ARHGAP32: variants seen among roughly 807,000 people sequenced by gnomAD.
The protein encoded by ARHGAP32 is Rho GTPase activating protein 32.
ARHGAP32 carries 51 observed loss-of-function variants against 186.5 expected under a neutral mutation model. That is an observed-to-expected ratio of 0.27 (90% CI 0.22 to 0.35). ARHGAP32 has a LOEUF of 0.35. Among genes scored for constraint, ARHGAP32 ranks in the 10% least tolerant of loss-of-function variants. The pLI, the probability that ARHGAP32 is intolerant of heterozygous loss-of-function variation, is 1.00. For synonymous variants in ARHGAP32, 950 were observed against 964.3 expected, an observed-to-expected ratio of 0.99 and a Z score of 0.27; for missense variants, 2,186 against 2,623.5, an observed-to-expected ratio of 0.83 and a Z score of 3.64.
chr11:129,220,932 C>T (rs1042914228), intron 1 of ARHGAP32, among the ~76,000 whole-genome samples: 1 of 152,078 alleles, frequency 6.6e-6, no homozygotes, highest in African/African-American at 2.4e-5. Flanking sequence ...TAAAACATAC[C>T]AAAACCTGAA....
intron 1 of ARHGAP32, among the ~76,000 whole-genome samples, chr11:129,268,150 T>A (rs1945429494): frequency 6.6e-6 from 1 of 152,110 alleles, no homozygotes; most frequent in Non-Finnish European, 1.5e-5. Flanking sequence ...GGGATGGGCC[T>A]GAAAAATAAT....
chr11:129,017,682 A>G (rs1282713878), intron 11 of ARHGAP32, among the ~76,000 whole-genome samples: 1 of 152,132 alleles, frequency 6.6e-6, no homozygotes, highest in Non-Finnish European at 1.5e-5. Context: ...TAAATCTGCA[A>G]ATAATACACA....
At chr11:129,214,986 A>G (rs1453363172) in intron 1 of ARHGAP32, among the ~76,000 whole-genome samples, 1 of 152,168 alleles carries the variant, frequency 6.6e-6, no homozygotes, top group Admixed American at 6.6e-5. Context: ...AATTAAGAAA[A>G]CTGCATGCAG....
At chr11:129,244,178 A>G (rs1172444144) in intron 1 of ARHGAP32, among the ~76,000 whole-genome samples, 1 of 152,212 alleles carries the variant, frequency 6.6e-6, no homozygotes, top group Non-Finnish European at 1.5e-5. Flanking sequence ...TGAGGATGGT[A>G]CTATTATTTC....
At chr11:129,269,425 G>A (rs868515233) in intron 1 of ARHGAP32, among the ~76,000 whole-genome samples, 17 of 152,208 alleles carry the variant, frequency 1.1e-4, no homozygotes, top group South Asian at 4.2e-4. Context: ...CAGCCATGAC[G>A]AGACTTAAAA....
intron 6 of ARHGAP32, among the ~76,000 whole-genome samples, chr11:129,067,398 T>C (rs1940728886): frequency 6.6e-6 from 1 of 152,102 alleles, no homozygotes; most frequent in African/African-American, 2.4e-5. Flanking sequence ...CTTTGCCCAA[T>C]CTCACAAGCT....
chr11:129,099,400 G>A (rs367771271), intron 5 of ARHGAP32, among the ~76,000 whole-genome samples: 6 of 152,142 alleles, frequency 3.9e-5, no homozygotes, highest in African/African-American at 1.4e-4. Context: ...GAAGCAATAG[G>A]CTACACCAGA....
rs776243486 is a variant in ARHGAP32 at position 128,973,069 on chromosome 11, T to A, written c.3437A>T (p.His1146Leu). 2.5e-6 allele frequency: 4 copies of A among 1,614,120 alleles called. No homozygotes were observed. Among genetic ancestry groups the A allele is most frequent in the Middle Eastern group, 1.6e-4 (1 of 6,062 alleles). ...PETTATGDPT[H>L]SNTTESGEQH... is the part of the protein sequence containing the mutation. ...CTCCCCAGATTCAGTTGTGTTGGAA[T>A]GGGTAGGATCCCCAGTAGCTGTTGT... Residue 1146 changes from histidine (H) to leucine (L), a missense_variant, in exon 22 of 23, where the codon CAT becomes CTT. Physicochemically the swap from His to Leu is moderately conservative, Grantham distance 99. Transcript: ENST00000682385.
At position 128,967,810 on chromosome 11, in the gene ARHGAP32, G is replaced by A. The variant is rs1427367875; in HGVS notation, c.*1097C>T. Reference sequence around the variant, plus strand: ...AACTTGCAGTCTAATAATAGATAATGCGTAGCTACTTAAATTCCCAGGGAC... The same window carrying A: ...AACTTGCAGTCTAATAATAGATAATACGTAGCTACTTAAATTCCCAGGGAC... On this transcript the variant is annotated 3_prime_UTR_variant, in exon 23 of 23. Transcript: ENST00000682385. 6.6e-6 allele frequency: 1 copy of A among 152,054 alleles called. No homozygotes were observed. The highest frequency in any genetic ancestry group is 1.5e-5 in the Non-Finnish European group (1 of 68,032). The allele number at this position is 152,054 out of a possible 1,614,324, so 9.4% of individuals were successfully genotyped here. A position where few individuals can be genotyped will look rare whatever the true frequency, so the allele number is the denominator to read the frequency against.
At chr11:129,074,846 A>G (rs1450149340) in intron 6 of ARHGAP32, among the ~76,000 whole-genome samples, 3 of 152,202 alleles carry the variant, frequency 2.0e-5, no homozygotes, top group Non-Finnish European at 4.4e-5. Context: ...CAAAATGGAA[A>G]CATATAAAAT....
chr11:128,998,258 T>G, intron 12 of ARHGAP32, 61 bp downstream of exon 12: 2 of 1,351,726 alleles, frequency 1.5e-6, no homozygotes, highest in Non-Finnish European at 2.0e-6. Context: ...TAATTGGTTA[T>G]AGCAAACCAA....
intron 21 of ARHGAP32, 60 bp downstream of exon 21, chr11:128,974,064 G>A: frequency 1.3e-6 from 2 of 1,563,364 alleles, no homozygotes; most frequent in Non-Finnish European, 1.7e-6. Context: ...GGCACAGATG[G>A]CACACAGGAT....
intron 12 of ARHGAP32, among the ~76,000 whole-genome samples, chr11:128,997,597 T>C (rs1946235376): frequency 6.6e-6 from 1 of 152,198 alleles, no homozygotes; most frequent in South Asian, 2.1e-4. Context: ...GTGCTATTTT[T>C]AAATATAAAA....
intron 2 of ARHGAP32, among the ~76,000 whole-genome samples, chr11:129,151,824 C>A (rs142625898): frequency 6.6e-6 from 1 of 151,958 alleles, no homozygotes. Flanking sequence ...GAAACACGAA[C>A]AAACCAAACC....
chr11:129,198,090 G>A (rs1038761616), intron 1 of ARHGAP32, among the ~76,000 whole-genome samples: 3 of 152,146 alleles, frequency 2.0e-5, no homozygotes, highest in Non-Finnish European at 4.4e-5. Flanking sequence ...TCATGTTAGA[G>A]CAGATTTTGC....
At chr11:129,259,569 TAA>T (rs71057940) in intron 1 of ARHGAP32, among the ~76,000 whole-genome samples, 18 of 141,420 alleles carry the variant, frequency 1.3e-4, no homozygotes, top group Non-Finnish European at 9.3e-5. Context: ...TTAAGCAATG[TAA>T]AAAAAAAAAA....
chr11:129,213,127 G>A (rs1255749861), intron 1 of ARHGAP32, among the ~76,000 whole-genome samples: 1 of 151,968 alleles, frequency 6.6e-6, no homozygotes, highest in Admixed American at 6.6e-5. Flanking sequence ...ATTTCCATTT[G>A]TCTAGCCTCA....
chr11:129,066,929 G>T, intron 6 of ARHGAP32, 61 bp from the exon 7 acceptor site: 3 of 1,335,150 alleles, frequency 2.2e-6, no homozygotes, highest in Non-Finnish European at 3.1e-6. Flanking sequence ...TTATGAATCA[G>T]GCCATATTCT....
intron 1 of ARHGAP32, among the ~76,000 whole-genome samples, chr11:129,232,484 T>C (rs760531444): frequency 2.6e-5 from 4 of 152,198 alleles, no homozygotes; most frequent in Admixed American, 2.0e-4. Context: ...GGCGTTATTG[T>C]TGAAAATGAT....
Sources: allele counts gnomAD v4.1 joint callset (sites outside exome capture counted in the v4.1 genomes callset), GRCh38; gene constraint gnomAD v4.1.1; transcripts MANE v1.5; gene names NCBI Gene and HGNC (gene_info 2026-07-23, HGNC 2026-07-21).